The following KMT5B variants were observed in gnomAD, a reference collection of about 807,000 sequenced individuals.
The protein encoded by KMT5B is lysine methyltransferase 5B.
A neutral mutation model predicts 83.2 loss-of-function variants in KMT5B; 10 were observed. The observed-to-expected ratio is 0.12, with a 90% CI of 0.07 to 0.20. The LOEUF (loss-of-function observed/expected upper bound fraction) is 0.20, where lower values mean the gene tolerates loss of function less well. KMT5B is among the 10% of genes least tolerant of loss of function. The probability of loss-of-function intolerance (pLI) is 1.00; values close to 1 mark genes in which losing one functional copy is unlikely to be tolerated. For missense variants in KMT5B, 753 were observed against 1,067.2 expected (o/e 0.71, Z 4.10); for synonymous variants, 349 against 388.8 (o/e 0.90, Z 1.20).
At chr11:68,211,000 G>C (rs1860823426) in intron 1 of KMT5B, among the ~76,000 whole-genome samples, 3 of 152,168 alleles carry the variant, frequency 2.0e-5, no homozygotes, top group Admixed American at 2.0e-4. Context: ...CATTCCTGTG[G>C]ACAGGGAGCT....
chr11:68,213,383 G>C (rs1449615660), upstream of KMT5B: 3 of 144,320 alleles, frequency 2.1e-5, no homozygotes, highest in Admixed American at 1.4e-4. Context: ...CCCCCAACCG[G>C]CCGCCGCCGC....
rs541961471 is a variant in KMT5B, at chr11:68,166,418, C to T, written c.1174+564G>A. On this transcript the variant is annotated intron_variant, in intron 10 of 10. Coordinates refer to ENST00000304363, the MANE Select transcript of KMT5B (RefSeq NM_017635.5). ...CTCCTACTTTCTGGAGTAGCCAATA[C>T]AGCATGTCACAATACGGCACTGTTC... is the stretch of plus-strand genomic sequence containing the variant. 3.6e-5 allele frequency: 37 copies of T among 1,015,890 alleles called. No individual in the cohort carries two copies. The African/African-American group carries it at 5.7e-4, about 16-fold the overall frequency. 62.9% of individuals were successfully genotyped at this position (1,015,890 alleles called of 1,614,324 possible).
intron 1 of KMT5B, among the ~76,000 whole-genome samples, chr11:68,193,359 T>G (rs2512607): frequency 6.6e-6 from 1 of 152,190 alleles, no homozygotes; most frequent in East Asian, 1.9e-4. Flanking sequence ...TTCACAAAAA[T>G]ACATGCCTGG....
chr11:68,162,888 G>C (rs1405080151), intron 10 of KMT5B, among the ~76,000 whole-genome samples: 1 of 152,200 alleles, frequency 6.6e-6, no homozygotes, highest in Non-Finnish European at 1.5e-5. Context: ...CAAAGAATTT[G>C]AGAAATGTGA....
At chr11:68,174,103 C>T (rs879535004) in intron 5 of KMT5B, 190 bp from the exon 6 acceptor site, 9 of 638,814 alleles carry the variant, frequency 1.4e-5, no homozygotes, top group Non-Finnish European at 2.0e-5. Flanking sequence ...GTGCCAGCTA[C>T]GTGGGAGGCT....
At position 68,155,397 on chromosome 11, in the gene KMT5B, G is replaced by A. The variant is rs1859221423; in HGVS notation, c.*2291C>T. On this transcript the variant is annotated 3_prime_UTR_variant, in exon 11 of 11. Coordinates refer to ENST00000304363, the MANE Select transcript of KMT5B (RefSeq NM_017635.5). ...CAAATGTCACTGCTTTGAGACCCAT[G>A]GGAAGGTTGGCCTCCAAAGAGGAGG... 6.6e-6 allele frequency: 1 copy of A among 152,104 alleles called. No individual in the cohort carries two copies. Among genetic ancestry groups the A allele is most frequent in the African/African-American group, 2.4e-5 (1 of 41,422 alleles). 9.4% of individuals were successfully genotyped at this position (152,104 alleles called of 1,614,324 possible).
intron 10 of KMT5B, among the ~76,000 whole-genome samples, chr11:68,161,381 A>G (rs1439494622): frequency 1.3e-5 from 2 of 152,136 alleles, no homozygotes; most frequent in African/African-American, 4.8e-5. Flanking sequence ...GGCTACGATG[A>G]TCCTTTGCTC....
chr11:68,168,627 G>A (rs1444909124), intron 9 of KMT5B, among the ~76,000 whole-genome samples: 1 of 152,190 alleles, frequency 6.6e-6, no homozygotes, highest in South Asian at 2.1e-4. Flanking sequence ...TGAGTCACAC[G>A]TGCGTGGCCT....
At chr11:68,184,143 G>C (rs911326409) in intron 3 of KMT5B, among the ~76,000 whole-genome samples, 2 of 152,104 alleles carry the variant, frequency 1.3e-5, no homozygotes, top group Non-Finnish European at 1.5e-5. Context: ...GGCTGAGGCA[G>C]GTGGATCACC....
chr11:68,173,610 T>G (rs1025936533), intron 6 of KMT5B, among the ~76,000 whole-genome samples, 194 bp downstream of exon 6: 1 of 152,126 alleles, frequency 6.6e-6, no homozygotes, highest in African/African-American at 2.4e-5. Flanking sequence ...GGCCTAGAGA[T>G]GGGATCTGGT....
intron 10 of KMT5B, chr11:68,165,904 A>T: frequency 6.2e-7 from 1 of 1,612,916 alleles, no homozygotes; most frequent in South Asian, 1.1e-5. Context: ...CATGGCAGTG[A>T]CATTCACCAT....
chr11:68,174,073 C>G (rs767508979), intron 5 of KMT5B, 160 bp from the exon 6 acceptor site: 2 of 671,834 alleles, frequency 3.0e-6, no homozygotes, highest in Non-Finnish European at 5.4e-6. Context: ...ATTAGCCAAG[C>G]ATGATGGCAT....
At chr11:68,175,478 T>C (rs1473196941) in intron 4 of KMT5B, among the ~76,000 whole-genome samples, 1 of 152,242 alleles carries the variant, frequency 6.6e-6, no homozygotes, top group Non-Finnish European at 1.5e-5. Context: ...TTTATTTCAC[T>C]GTTATCTCAT....
chr11:68,207,381 T>G (rs1352323844), intron 1 of KMT5B, among the ~76,000 whole-genome samples: 1 of 152,118 alleles, frequency 6.6e-6, no homozygotes, highest in East Asian at 1.9e-4. Flanking sequence ...CACTGCCCTT[T>G]AACACACACT....
chr11:68,198,040 C>T (rs916238226), intron 1 of KMT5B, among the ~76,000 whole-genome samples: 4 of 152,158 alleles, frequency 2.6e-5, no homozygotes, highest in Non-Finnish European at 5.9e-5. Flanking sequence ...TAAGACCACA[C>T]GTTTACACAT....
intron 9 of KMT5B, among the ~76,000 whole-genome samples, chr11:68,168,492 C>T (rs1157614188): frequency 1.3e-5 from 2 of 152,074 alleles, no homozygotes; most frequent in Non-Finnish European, 2.9e-5. Flanking sequence ...CGCACCACCA[C>T]ATCTGGCTAA....
chr11:68,205,512 A>G (rs1487896886), intron 1 of KMT5B, among the ~76,000 whole-genome samples: 4 of 152,210 alleles, frequency 2.6e-5, no homozygotes, highest in Non-Finnish European at 5.9e-5. Flanking sequence ...TTTTCTATTT[A>G]TATTAAAACT....
intron 10 of KMT5B, among the ~76,000 whole-genome samples, chr11:68,160,739 G>T (rs529726795): frequency 6.6e-6 from 1 of 152,090 alleles, no homozygotes; most frequent in Non-Finnish European, 1.5e-5. Context: ...CTGAGGTCAG[G>T]AGTTCGAGAC....
At chr11:68,172,314 C>A (rs1466952512) in intron 6 of KMT5B, among the ~76,000 whole-genome samples, 1 of 152,084 alleles carries the variant, frequency 6.6e-6, no homozygotes, top group African/African-American at 2.4e-5. Context: ...CTCACTGCAA[C>A]CTCTGCCTCC....
Sources: gnomAD v4.1 joint callset for allele counts (sites outside exome capture counted in the v4.1 genomes callset) on GRCh38, gnomAD v4.1.1 for gene constraint, MANE v1.5 for transcripts, NCBI Gene and HGNC (gene_info 2026-07-23, HGNC 2026-07-21) for gene names.